CARD8: variants seen among roughly 807,000 people sequenced by gnomAD.
CARD8 encodes the protein caspase recruitment domain family member 8, also known as caspase recruitment domain-containing protein 8.
A neutral mutation model predicts 53.2 loss-of-function variants in CARD8; 38 were observed. The observed-to-expected ratio is 0.71, with a 90% CI of 0.55 to 0.94. The LOEUF (loss-of-function observed/expected upper bound fraction) is 0.94, where lower values mean the gene tolerates loss of function less well. Ranked by LOEUF, CARD8 falls within the 40% of genes least tolerant of loss-of-function variation. The probability of loss-of-function intolerance (pLI) is 0.00; values close to 1 mark genes in which losing one functional copy is unlikely to be tolerated. For missense variants in CARD8, 561 were observed against 655.5 expected, an observed-to-expected ratio of 0.86 and a Z score of 1.57; for synonymous variants, 245 against 244.9, an observed-to-expected ratio of 1.00 and a Z score of 0.00.
At chr19:48,223,367 A>G (rs1231623315) in intron 10 of CARD8, among the ~76,000 whole-genome samples, 1 of 152,106 alleles carries the variant, frequency 6.6e-6, no homozygotes, top group African/African-American at 2.4e-5. Context: ...TGGCCCATGG[A>G]GAAAACCTGA....
chr19:48,204,128 G>T (rs761559836), downstream of CARD8: 1 of 454,272 alleles, frequency 2.2e-6, no homozygotes, highest in Non-Finnish European at 4.4e-6. Flanking sequence ...TCTGGGCGCC[G>T]GGGCTGCAGT....
chr19:48,215,586 G>GA (rs942098356), intron 12 of CARD8, among the ~76,000 whole-genome samples: 1 of 152,202 alleles, frequency 6.6e-6, no homozygotes, highest in Non-Finnish European at 1.5e-5. Context: ...ATCGGAGGAA[G>GA]AAACACATTT....
chr19:48,222,814 A>C (rs1349353245), intron 10 of CARD8, among the ~76,000 whole-genome samples: 6 of 152,216 alleles, frequency 3.9e-5, no homozygotes, highest in Non-Finnish European at 8.8e-5. Context: ...TTAATGAGCA[A>C]GGAATTTATG....
At chr19:48,236,862 C>T (rs113849099) in intron 5 of CARD8, among the ~76,000 whole-genome samples, 8,641 of 152,094 alleles carry the variant, frequency 0.057, 619 homozygotes, top group African/African-American at 0.17. Context: ...GCAACCTCTG[C>T]CTCCCGAGTT....
intron 3 of CARD8, among the ~76,000 whole-genome samples, chr19:48,247,809 A>G (rs1024108017): frequency 6.6e-6 from 1 of 150,814 alleles, no homozygotes; most frequent in Non-Finnish European, 1.5e-5. Context: ...ATTTGTTTTG[A>G]TGTCACACAA....
intron 3 of CARD8, among the ~76,000 whole-genome samples, chr19:48,244,419 C>A (rs536088843): frequency 6.6e-6 from 1 of 152,084 alleles, no homozygotes; most frequent in African/African-American, 2.4e-5. Flanking sequence ...TGAAGCATGG[C>A]GGAGGAACAG....
intron 6 of CARD8, chr19:48,233,439 C>T (rs1013231908): frequency 3.9e-5 from 18 of 455,922 alleles, no homozygotes; most frequent in Admixed American, 2.1e-4. Context: ...GGCTTTACAG[C>T]GCTTTTCTCG....
intron 10 of CARD8, among the ~76,000 whole-genome samples, chr19:48,222,198 A>T (rs2040793916): frequency 6.6e-6 from 1 of 152,210 alleles, no homozygotes; most frequent in South Asian, 2.1e-4. Context: ...ACAGGACAGA[A>T]GGACTTCTTT....
chr19:48,234,423 T>C lies in CARD8; in HGVS notation c.330A>G (p.Leu110=), dbSNP rs757299906. The part of the protein sequence containing the change: ...LLFRAVPECQ[L]SGGDIPSVSE... The stretch of plus-strand genomic sequence containing the variant: ...CTTACCTGGGAATGTCCCCCCCAGA[T>C]AGTTGACACTCAGGAACAGCACGGA... The change falls in exon 6 of 14, where the codon CTA becomes CTG. Residue 110 remains leucine, a synonymous_variant. Transcript: ENST00000651546. The C allele has an allele frequency of 4.3e-6, 7 of 1,612,620 alleles. No homozygotes were observed. The highest frequency in any genetic ancestry group is 1.7e-5 in the Admixed American group (1 of 59,504).
rs115455330 is a variant in CARD8, at chr19:48,219,757, G to C, written c.1162-745C>G. 9.4e-3 allele frequency among the ~76,000 whole-genome samples: 1,425 copies of C among 152,162 alleles called. 24 individuals are homozygous for C. The highest frequency in any genetic ancestry group is 0.031 in the African/African-American group (1,286 of 41,512). ...AGACTGAGGTGACCGATTGCTTGAG[G>C]TCAGGAGCTCAAGACCAGCCTGGCC... is the stretch of plus-strand genomic sequence containing the variant. On this transcript the variant is annotated intron_variant, in intron 11 of 13. Transcript: ENST00000651546.
intron 6 of CARD8, chr19:48,233,046 G>C (rs2043198513): frequency 2.9e-6 from 1 of 350,872 alleles, no homozygotes; most frequent in African/African-American, 2.1e-5. Context: ...TATATTCCAA[G>C]GTAATTCCAA....
chr19:48,251,039 G>GGGGTAAC (rs1358656751), intron 1 of CARD8, among the ~76,000 whole-genome samples: 1 of 152,160 alleles, frequency 6.6e-6, no homozygotes, highest in Non-Finnish European at 1.5e-5. Flanking sequence ...GGTGAGACCT[G>GGGGTAAC]GGGTAACCAC....
intron 6 of CARD8, chr19:48,232,792 A>G (rs899387625): frequency 3.5e-6 from 2 of 563,528 alleles, no homozygotes; most frequent in Non-Finnish European, 6.7e-6. Flanking sequence ...GATCTAGACT[A>G]TCAAGAAATA....
intron 12 of CARD8, among the ~76,000 whole-genome samples, chr19:48,217,963 G>T (rs2039673080): frequency 6.6e-6 from 1 of 152,198 alleles, no homozygotes; most frequent in Non-Finnish European, 1.5e-5. Context: ...TGGAAGAAAT[G>T]ATTAAATTGT....
intron 3 of CARD8, among the ~76,000 whole-genome samples, chr19:48,244,791 C>T (rs1462804988): frequency 1.3e-5 from 2 of 152,096 alleles, no homozygotes; most frequent in African/African-American, 4.8e-5. Flanking sequence ...GTGAGAAGAC[C>T]AGGAAGTTGT....
At position 48,230,623 on chromosome 19, in the gene CARD8, C is replaced by T. The variant is rs144910544; in HGVS notation, c.850G>A (p.Val284Met). 158 of 1,614,132 alleles carry T rather than the reference C, an allele frequency of 9.8e-5. 1 individual carries two copies. In the Admixed American group the frequency reaches 2.6e-3, roughly 27 times the overall value. The change falls in exon 10 of 14, where the codon GTG becomes ATG. Residue 284 changes from valine (V) to methionine (M), a missense_variant. Coordinates refer to ENST00000651546, the MANE Select transcript of CARD8 (RefSeq NM_001184900.3). ...EGMVLEHPAR[V>M]EPFYAVLESP... ...TCCAGGACAGCATAGAAAGGCTCCA[C>T]CCGGGCTGGATGCTCCAGGACCATC...
chr19:48,219,343 G>C (rs370171392), intron 11 of CARD8, among the ~76,000 whole-genome samples: 6 of 152,066 alleles, frequency 3.9e-5, no homozygotes, highest in African/African-American at 1.4e-4. Flanking sequence ...AGATTCTATA[G>C]AGAAGCAAGA....
rs1306439987 is a variant in CARD8, at chr19:48,208,555, C to A, written c.*3155G>T. ...ATTTCGAGGGTACATATCGGAACTA[C>A]TGAGAATACAAGGATGAGCTGCAAA... On this transcript the variant is annotated 3_prime_UTR_variant, in exon 14 of 14. Transcript: ENST00000651546. The A allele has an allele frequency of 6.6e-6, 1 of 152,174 alleles. No individual in the cohort carries two copies. Among genetic ancestry groups the A allele is most frequent in the Non-Finnish European group, 1.5e-5 (1 of 68,038 alleles). The allele number at this position is 152,174 out of a possible 1,614,324, so 9.4% of individuals were successfully genotyped here. A position where few individuals can be genotyped will look rare whatever the true frequency, so the allele number is the denominator to read the frequency against.
intron 10 of CARD8, among the ~76,000 whole-genome samples, chr19:48,222,520 C>G (rs1158270451): frequency 1.3e-5 from 2 of 152,136 alleles, no homozygotes; most frequent in Non-Finnish European, 2.9e-5. Context: ...GAAACCCCGT[C>G]TCTACTAAAA....
Sources: gnomAD v4.1 joint callset for allele counts (sites outside exome capture counted in the v4.1 genomes callset) on GRCh38, gnomAD v4.1.1 for gene constraint, MANE v1.5 for transcripts, NCBI Gene and HGNC (gene_info 2026-07-23, HGNC 2026-07-21) for gene names.